Variants in PIBF1 observed in about 807,000 individuals in gnomAD.
PIBF1 encodes progesterone-induced-blocking factor 1.
In PIBF1, 90 loss-of-function variants were observed where a neutral mutation model predicts 112.5. That is an observed-to-expected ratio of 0.80 (90% CI 0.67 to 0.95). PIBF1 has a LOEUF of 0.95. Among genes scored for constraint, PIBF1 ranks in the 40% least tolerant of loss-of-function variants. The pLI is 0.00. For missense variants in PIBF1, 915 were observed against 852.3 expected (o/e 1.07, Z -0.92); for synonymous variants, 301 against 288.6 (o/e 1.04, Z -0.44).
chr13:72,835,390 T>C (rs749741568), intron 9 of PIBF1, 22 bp downstream of exon 9: 4 of 1,486,330 alleles, frequency 2.7e-6, no homozygotes, highest in Non-Finnish European at 2.7e-6. Context: ...AAAATGCTTG[T>C]ATGGTATTTT....
At chr13:72,858,211 C>T (rs1282975921) in intron 10 of PIBF1, among the ~76,000 whole-genome samples, 2 of 151,898 alleles carry the variant, frequency 1.3e-5, no homozygotes, top group Admixed American at 1.3e-4. Context: ...GCCACCACAC[C>T]CGGCTAATTT....
chr13:72,833,218 C>T (rs1356179054), intron 8 of PIBF1, among the ~76,000 whole-genome samples: 1 of 152,116 alleles, frequency 6.6e-6, no homozygotes, highest in African/African-American at 2.4e-5. Context: ...AGAACATGCT[C>T]CTTTAGCTTG....
At chr13:72,813,379 G>C (rs973876536) in intron 5 of PIBF1, among the ~76,000 whole-genome samples, 2 of 152,148 alleles carry the variant, frequency 1.3e-5, no homozygotes, top group Non-Finnish European at 2.9e-5. Context: ...TGAGCTTTGG[G>C]AAAGCTAGTG....
At chr13:72,787,279 TTTAG>T (rs2034651640) in intron 2 of PIBF1, among the ~76,000 whole-genome samples, 1 of 152,314 alleles carries the variant, frequency 6.6e-6, no homozygotes, top group South Asian at 2.1e-4. Context: ...TTATTATATG[TTTAG>T]TTATGTCTTT....
chr13:72,906,838 G>A (rs940848165), intron 11 of PIBF1, among the ~76,000 whole-genome samples: 6 of 151,954 alleles, frequency 3.9e-5, no homozygotes, highest in Non-Finnish European at 7.4e-5. Context: ...AAATGAAAAA[G>A]TATCAGCTCT....
chr13:72,975,147 C>G (rs1410565461), intron 16 of PIBF1, among the ~76,000 whole-genome samples: 3 of 150,826 alleles, frequency 2.0e-5, no homozygotes, highest in East Asian at 2.0e-4. Flanking sequence ...CCTCTGCCTT[C>G]CGAGTTCAAG....
intron 10 of PIBF1, among the ~76,000 whole-genome samples, chr13:72,859,607 G>A (rs1391595557): frequency 6.6e-6 from 1 of 152,066 alleles, no homozygotes; most frequent in East Asian, 1.9e-4. Context: ...GATCTTTTCA[G>A]GCAGAAGTAA....
At chr13:72,839,741 A>C (rs532226845) in intron 9 of PIBF1, among the ~76,000 whole-genome samples, 1 of 152,188 alleles carries the variant, frequency 6.6e-6, no homozygotes, top group Non-Finnish European at 1.5e-5. Flanking sequence ...TTTTAAAAAA[A>C]AATCTTTAAA....
intron 16 of PIBF1, among the ~76,000 whole-genome samples, chr13:72,992,696 A>T (rs537628283): frequency 3.3e-5 from 5 of 152,274 alleles, no homozygotes; most frequent in African/African-American, 4.8e-5. Flanking sequence ...CTGGAGTTCC[A>T]GCTGCCAAGG....
chr13:72,892,760 TC>T, intron 10 of PIBF1, among the ~76,000 whole-genome samples: 1 of 145,164 alleles, frequency 6.9e-6, no homozygotes, highest in South Asian at 2.2e-4. Flanking sequence ...CTAGAATACT[TC>T]CCACCCCTTA....
intron 16 of PIBF1, among the ~76,000 whole-genome samples, chr13:72,998,415 C>T (rs1349964659): frequency 6.6e-6 from 1 of 151,744 alleles, no homozygotes; most frequent in East Asian, 1.9e-4. Flanking sequence ...GTAGAGGCTG[C>T]AGTGAGCCGA....
intron 10 of PIBF1, among the ~76,000 whole-genome samples, chr13:72,862,282 C>T (rs1056602545): frequency 1.3e-4 from 20 of 152,084 alleles, no homozygotes; most frequent in African/African-American, 4.1e-4. Context: ...GAAGTATCTG[C>T]GCAAAATAAG....
chr13:72,995,940 C>G (rs1276821739), intron 16 of PIBF1, among the ~76,000 whole-genome samples: 1 of 139,230 alleles, frequency 7.2e-6, no homozygotes, highest in Non-Finnish European at 1.6e-5. Context: ...CAGAGCGAGA[C>G]TCCATCTCAA....
intron 9 of PIBF1, among the ~76,000 whole-genome samples, chr13:72,845,450 G>T (rs760937917): frequency 5.3e-5 from 8 of 152,136 alleles, no homozygotes; most frequent in Non-Finnish European, 8.8e-5. Flanking sequence ...ATAAATATAT[G>T]TGTCCATGTG....
chr13:72,890,922 T>A (rs532644346), intron 10 of PIBF1, among the ~76,000 whole-genome samples: 3 of 152,114 alleles, frequency 2.0e-5, no homozygotes, highest in Admixed American at 6.6e-5. Context: ...ATCCTTTCAC[T>A]TACATAAACA....
At chr13:72,935,328 CT>C (rs1200890315) in intron 14 of PIBF1, among the ~76,000 whole-genome samples, 2 of 152,154 alleles carry the variant, frequency 1.3e-5, no homozygotes, top group Admixed American at 1.3e-4. Context: ...TATGTATATG[CT>C]TTTTTTAATG....
intron 16 of PIBF1, among the ~76,000 whole-genome samples, chr13:72,976,519 ATAAT>A (rs1194310522): frequency 6.6e-6 from 1 of 152,208 alleles, no homozygotes; most frequent in Admixed American, 6.5e-5. Flanking sequence ...GTATGTTTTA[ATAAT>A]TTAACATTGT....
In PIBF1 at chr13:72,943,577, A is replaced by G. The variant is rs149558624; in HGVS notation, c.1833+12310A>G. Among the ~76,000 whole-genome samples the G allele has an allele frequency of 1.3e-3, 200 of 152,302 alleles. 1 individual carries two copies. Among genetic ancestry groups the G allele is most frequent in the Non-Finnish European group, 2.3e-3 (154 of 68,022 alleles). On this transcript the variant is annotated intron_variant, in intron 14 of 17. Transcript: ENST00000326291. ...TTAAAGGCCCATGGCCTACAAGACA[A>G]TGTCCAGATTCTTTAGCGTGGCATA...
intron 14 of PIBF1, among the ~76,000 whole-genome samples, chr13:72,934,014 T>C (rs574327499): frequency 6.6e-6 from 1 of 152,278 alleles, no homozygotes; most frequent in Non-Finnish European, 1.5e-5. Flanking sequence ...TTGAAAAAAT[T>C]TCATAAGACA....
Sources: allele counts gnomAD v4.1 joint callset (sites outside exome capture counted in the v4.1 genomes callset), GRCh38; gene constraint gnomAD v4.1.1; transcripts MANE v1.5; gene names NCBI Gene and HGNC (gene_info 2026-07-23, HGNC 2026-07-21).